Variants in MYO16 observed in about 807,000 individuals in gnomAD.
MYO16 encodes myosin XVI, also known as unconventional myosin-XVI.
In MYO16, 94 loss-of-function variants were observed where a neutral mutation model predicts 205.3. The observed-to-expected ratio is 0.46, with a 90% CI of 0.39 to 0.54. The LOEUF (loss-of-function observed/expected upper bound fraction) is 0.54. Ranked by LOEUF, MYO16 falls within the 20% of genes least tolerant of loss-of-function variation. The probability of loss-of-function intolerance (pLI) is 0.00; values close to 1 mark genes in which losing one functional copy is unlikely to be tolerated. For missense variants in MYO16, 2,315 were observed against 2,387.5 expected, an observed-to-expected ratio of 0.97 and a Z score of 0.63; for synonymous variants, 988 against 954.0, an observed-to-expected ratio of 1.04 and a Z score of -0.66.
chr13:109,120,494 A>G, intron 29 of MYO16, 28 bp downstream of exon 29: 2 of 1,561,428 alleles, frequency 1.3e-6, no homozygotes, highest in Non-Finnish European at 8.8e-7. Context: ...ACATTTCTGA[A>G]TTTATTTGAG....
intron 6 of MYO16, among the ~76,000 whole-genome samples, chr13:108,802,574 A>G (rs1229054259): frequency 1.3e-5 from 2 of 152,194 alleles, no homozygotes; most frequent in Admixed American, 6.5e-5. Context: ...AGCAACTTCC[A>G]TTCCTTAGGA....
chr13:108,904,348 A>G (rs1235362857), intron 15 of MYO16, among the ~76,000 whole-genome samples: 1 of 152,204 alleles, frequency 6.6e-6, no homozygotes, highest in Non-Finnish European at 1.5e-5. Flanking sequence ...CACACAGACA[A>G]GTTTATAAAA....
At chr13:108,679,821 T>A (rs1381699778) in intron 2 of MYO16, among the ~76,000 whole-genome samples, 1 of 152,114 alleles carries the variant, frequency 6.6e-6, no homozygotes, top group Non-Finnish European at 1.5e-5. Flanking sequence ...TGTTGATCTT[T>A]AATCTTTCCA....
At chr13:109,203,642 A>G (rs564500936) in intron 34 of MYO16, among the ~76,000 whole-genome samples, 44 of 152,224 alleles carry the variant, frequency 2.9e-4, no homozygotes, top group African/African-American at 1.0e-3. Context: ...ATGACAGCAA[A>G]TCTAGCCCTG....
In MYO16 at chr13:109,127,206, G is replaced by T. The variant is rs1358495266; in HGVS notation, c.3783-76G>T. The T allele has an allele frequency of 3.4e-6, 5 of 1,476,812 alleles. No homozygotes were observed. Among genetic ancestry groups the T allele is most frequent in the Non-Finnish European group, 4.5e-6 (5 of 1,110,500 alleles). 91.5% of individuals were successfully genotyped at this position (1,476,812 alleles called of 1,614,324 possible). On this transcript the variant is annotated intron_variant, in intron 30 of 34. Transcript: ENST00000457511. This position sits in a 1 kb window ranked among gnomAD's most constrained non-coding sequence, Gnocchi z 4.2. The stretch of plus-strand genomic sequence containing the variant: ...AAAAGCCGTCATTATGTCTGCTTGA[G>T]CAGGTTCCTTGTTACCGGAATAATG...
intron 21 of MYO16, among the ~76,000 whole-genome samples, chr13:109,001,188 A>G (rs1019734482): frequency 6.6e-6 from 1 of 151,692 alleles, no homozygotes; most frequent in Non-Finnish European, 1.5e-5. Flanking sequence ...ATTTAAAAAA[A>G]AAAAAAGAAA....
intron 4 of MYO16, among the ~76,000 whole-genome samples, chr13:108,777,738 G>A (rs1165931622): frequency 6.6e-6 from 1 of 152,190 alleles, no homozygotes; most frequent in East Asian, 1.9e-4. Context: ...GTGGTCCAAT[G>A]TCAGTGAATT....
intron 17 of MYO16, among the ~76,000 whole-genome samples, chr13:108,959,702 C>G (rs750408967): frequency 3.5e-4 from 54 of 152,244 alleles, no homozygotes; most frequent in African/African-American, 1.3e-3. Context: ...CAGATCTGTT[C>G]GTAACAGTGC....
chr13:108,636,356 TTTTTTTTTTTTTTTGTGTGTG>T lies in MYO16; in HGVS notation c.28+6486_28+6506del, dbSNP rs1181659670. Among the ~76,000 whole-genome samples the T allele has an allele frequency of 3.5e-3, 172 of 49,554 alleles. 1 individual carries two copies. The highest frequency in any genetic ancestry group is 4.8e-3 in the Non-Finnish European group (118 of 24,668). 32.5% of individuals were successfully genotyped at this position (49,554 alleles called of 152,430 possible). A position where few individuals can be genotyped will look rare whatever the true frequency, so the allele number is the denominator to read the frequency against. ...TGAAAAAATATTTCCCTTTTTTTTT[TTTTTTTTTTTTTTTGTGTGTG>T]TGTGTGTGTGTGTGTGTGTGTGTGT... On this transcript the variant is annotated intron_variant, in intron 1 of 34. Coordinates refer to ENST00000457511, the MANE Select transcript of MYO16 (RefSeq NM_001198950.3).
intron 27 of MYO16, among the ~76,000 whole-genome samples, chr13:109,088,911 G>A (rs993794451): frequency 2.0e-5 from 3 of 152,166 alleles, no homozygotes; most frequent in Non-Finnish European, 4.4e-5. Context: ...CTCCAGGCCC[G>A]CTCCTTTCCC....
chr13:109,020,863 T>C (rs1885999780), intron 23 of MYO16, among the ~76,000 whole-genome samples: 1 of 152,172 alleles, frequency 6.6e-6, no homozygotes, highest in Non-Finnish European at 1.5e-5. Flanking sequence ...AGAAGGAGCA[T>C]TTGAGAATCA....
chr13:109,178,779 G>A (rs1028097678), intron 33 of MYO16, among the ~76,000 whole-genome samples: 5 of 152,154 alleles, frequency 3.3e-5, no homozygotes, highest in African/African-American at 1.2e-4. Context: ...CATCTAGTGG[G>A]TGGAGGTCAG....
chr13:109,008,481 CA>C (rs1231450803), intron 21 of MYO16, among the ~76,000 whole-genome samples: 1 of 99,002 alleles, frequency 1.0e-5, no homozygotes, highest in East Asian at 3.1e-4. Context: ...CTTGTGTATG[CA>C]CTACTGTACT....
At chr13:108,650,834 G>A (rs1382221118) in intron 1 of MYO16, among the ~76,000 whole-genome samples, 1 of 152,174 alleles carries the variant, frequency 6.6e-6, no homozygotes, top group Non-Finnish European at 1.5e-5. Context: ...CTGGTGTGCA[G>A]CATATGACGC....
rs568059937 is a variant in MYO16 at position 108,685,000 on chromosome 13, G to T, written c.292+18851G>T. The stretch of plus-strand genomic sequence containing the variant: ...TGTCCTAACAAATTATTGAACCCAA[G>T]AAGAGGGTCATGGGAACCACCCCAA... On this transcript the variant is annotated intron_variant, in intron 2 of 34. Coordinates refer to ENST00000457511, the MANE Select transcript of MYO16 (RefSeq NM_001198950.3). Among the ~76,000 whole-genome samples the T allele has an allele frequency of 6.0e-5, 9 of 150,308 alleles. No individual in the cohort carries two copies. The East Asian group carries it at 1.4e-3, about 23-fold the overall frequency.
Position 109,206,987 on chromosome 13 carries a change from CGTGTGTGTGTGTGTGTGTTT to C in MYO16, c.*167_*186del, listed in dbSNP as rs1880626457. ...CACAGACACTAAATATATGAGATCCCGTGTGTGTGTGTGTGTGTTTGTGTGTGTGTGTGTGGGTTCTTTCT... is the reference window on the plus strand; with the variant it reads ...CACAGACACTAAATATATGAGATCCCGTGTGTGTGTGTGTGGGTTCTTTCT... On this transcript the variant is annotated 3_prime_UTR_variant, in exon 35 of 35. Transcript: ENST00000457511. The C allele has an allele frequency of 5.2e-6, 3 of 571,704 alleles. No individual in the cohort carries two copies. The highest frequency in any genetic ancestry group is 9.2e-6 in the Non-Finnish European group (3 of 327,164). 35.4% of individuals were successfully genotyped at this position (571,704 alleles called of 1,614,324 possible). A position where few individuals can be genotyped will look rare whatever the true frequency, so the allele number is the denominator to read the frequency against.
At chr13:108,766,006 A>T (rs9301317) in intron 4 of MYO16, among the ~76,000 whole-genome samples, 10,467 of 152,246 alleles carry the variant, frequency 0.069, 628 homozygotes, top group East Asian at 0.24. Flanking sequence ...CATCTCAAAG[A>T]ATATTTTAGC....
intron 16 of MYO16, among the ~76,000 whole-genome samples, chr13:108,913,989 C>T (rs1443506273): frequency 1.3e-5 from 2 of 152,046 alleles, no homozygotes; most frequent in Admixed American, 6.6e-5. Context: ...GTTCTGACCA[C>T]GAGGCATCCC....
At chr13:108,523,082 G>A in the MYO16 span, among the ~76,000 whole-genome samples, 1 of 152,156 alleles carries the variant, frequency 6.6e-6, no homozygotes, top group Non-Finnish European at 1.5e-5. Context: ...GGGACTTAGT[G>A]AAATGAATGC....
Sources: gnomAD v4.1 joint callset for allele counts (sites outside exome capture counted in the v4.1 genomes callset) on GRCh38, gnomAD v4.1.1 for gene constraint, Gnocchi (gnomAD v3.1) non-coding constraint, MANE v1.5 for transcripts, NCBI Gene and HGNC (gene_info 2026-07-23, HGNC 2026-07-21) for gene names.